MYO3B: variants seen among roughly 807,000 people sequenced by gnomAD.
MYO3B encodes the protein myosin-IIIb.
MYO3B carries 156 observed loss-of-function variants against 174.6 expected under a neutral mutation model. The observed-to-expected ratio is 0.89, with a 90% CI of 0.78 to 1.02. The LOEUF (loss-of-function observed/expected upper bound fraction) is 1.02. Among genes scored for constraint, MYO3B ranks in the 50% least tolerant of loss-of-function variants. MYO3B has a pLI of 0.00. For synonymous variants in MYO3B, 563 were observed against 569.1 expected, an observed-to-expected ratio of 0.99 and a Z score of 0.15; for missense variants, 1,632 against 1,639.4, an observed-to-expected ratio of 1.00 and a Z score of 0.08.
At chr2:170,470,137 A>C (rs1684897983) in intron 25 of MYO3B, among the ~76,000 whole-genome samples, 1 of 150,894 alleles carries the variant, frequency 6.6e-6, no homozygotes, top group Non-Finnish European at 1.5e-5. Flanking sequence ...AAAAGAAGGA[A>C]AGTATACAGT....
At chr2:170,387,812 CCTT>C (rs1352857759) in intron 14 of MYO3B, among the ~76,000 whole-genome samples, 4 of 152,104 alleles carry the variant, frequency 2.6e-5, no homozygotes, top group Admixed American at 2.0e-4. Context: ...ATTTCACTAA[CCTT>C]CTCTGTGCCT....
At chr2:170,247,477 C>T (rs1228693033) in intron 7 of MYO3B, among the ~76,000 whole-genome samples, 1 of 152,214 alleles carries the variant, frequency 6.6e-6, no homozygotes, top group Admixed American at 6.5e-5. Flanking sequence ...TTGACTTCTA[C>T]CAGGCCTCAT....
intron 23 of MYO3B, among the ~76,000 whole-genome samples, chr2:170,454,633 G>A (rs1181151669): frequency 3.9e-5 from 6 of 152,174 alleles, no homozygotes; most frequent in Non-Finnish European, 5.9e-5. Flanking sequence ...AGGGGCTACC[G>A]AACCACGGGC....
chr2:170,568,425 C>G (rs1028053916), intron 32 of MYO3B, among the ~76,000 whole-genome samples: 5 of 152,196 alleles, frequency 3.3e-5, no homozygotes, highest in Non-Finnish European at 7.3e-5. Context: ...AATTTTCTAG[C>G]AAATGTTCAG....
At chr2:170,291,766 C>A (rs1415111977) in intron 7 of MYO3B, among the ~76,000 whole-genome samples, 1 of 151,674 alleles carries the variant, frequency 6.6e-6, no homozygotes, top group Non-Finnish European at 1.5e-5. Flanking sequence ...CCCTTCCTGG[C>A]CTGTATGGTT....
At chr2:170,563,027 T>C (rs1042326155) in intron 32 of MYO3B, among the ~76,000 whole-genome samples, 1 of 73,432 alleles carries the variant, frequency 1.4e-5, no homozygotes, top group African/African-American at 4.7e-5. Context: ...TTGTAAAACA[T>C]GCATACACAC....
chr2:170,575,368 G>C (rs1342300376), intron 32 of MYO3B, among the ~76,000 whole-genome samples: 1 of 152,028 alleles, frequency 6.6e-6, no homozygotes, highest in Admixed American at 6.5e-5. Flanking sequence ...AGAAACCAGA[G>C]AGTCAATAGT....
At chr2:170,310,510 A>G (rs941051878) in intron 7 of MYO3B, among the ~76,000 whole-genome samples, 3 of 151,898 alleles carry the variant, frequency 2.0e-5, no homozygotes, top group African/African-American at 7.3e-5. Context: ...TAAAAATACA[A>G]AAAATTAGCT....
chr2:170,577,217 T>C (rs1041026913), intron 32 of MYO3B, among the ~76,000 whole-genome samples: 24 of 152,250 alleles, frequency 1.6e-4, no homozygotes, highest in Non-Finnish European at 5.9e-5. Context: ...AAAGCTATTT[T>C]AATTATTTTA....
chr2:170,217,515 A>G (rs1004186388), intron 6 of MYO3B, 120 bp downstream of exon 6: 3 of 843,074 alleles, frequency 3.6e-6, no homozygotes, highest in Non-Finnish European at 6.1e-6. Flanking sequence ...CATTATCCTC[A>G]TTGAACTTTA....
chr2:170,623,697 A>G (rs1696138954), intron 32 of MYO3B, among the ~76,000 whole-genome samples: 2 of 152,160 alleles, frequency 1.3e-5, no homozygotes, highest in Non-Finnish European at 2.9e-5. Context: ...TAGAGTTTTT[A>G]TGGTTTTAGG....
chr2:170,425,899 G>A (rs920349466), intron 22 of MYO3B, among the ~76,000 whole-genome samples: 2 of 152,174 alleles, frequency 1.3e-5, no homozygotes, highest in Admixed American at 6.5e-5. Flanking sequence ...TGGTGACATG[G>A]CTCACAGGGT....
chr2:170,403,609 T>C (rs1287383637), intron 19 of MYO3B, among the ~76,000 whole-genome samples: 2 of 152,240 alleles, frequency 1.3e-5, no homozygotes, highest in Admixed American at 6.5e-5. Context: ...GACTCTCTTC[T>C]GTATGAAGTA....
chr2:170,220,513 C>T (rs1026226788), intron 6 of MYO3B, among the ~76,000 whole-genome samples: 5 of 150,862 alleles, frequency 3.3e-5, no homozygotes, highest in Non-Finnish European at 7.4e-5. Flanking sequence ...CCTGTAGTCC[C>T]AGCTACTCGG....
chr2:170,599,319 CTG>C (rs1241680507), intron 32 of MYO3B, among the ~76,000 whole-genome samples: 1 of 152,194 alleles, frequency 6.6e-6, no homozygotes, highest in Non-Finnish European at 1.5e-5. Flanking sequence ...TGTATACAAT[CTG>C]TTTTATTTTC....
intron 8 of MYO3B, among the ~76,000 whole-genome samples, chr2:170,353,494 T>A (rs2094093968): frequency 6.6e-6 from 1 of 152,184 alleles, no homozygotes; most frequent in Non-Finnish European, 1.5e-5. Context: ...GGATTACATG[T>A]CATTATAAAT....
At chr2:170,608,681 G>GAGACAGAC (rs555173210) in intron 32 of MYO3B, among the ~76,000 whole-genome samples, 1 of 151,926 alleles carries the variant, frequency 6.6e-6, no homozygotes, top group Non-Finnish European at 1.5e-5. Context: ...GAGAGAGAGA[G>GAGACAGAC]AGACAGACAG....
intron 28 of MYO3B, among the ~76,000 whole-genome samples, chr2:170,513,821 T>A (rs914374958): frequency 6.6e-6 from 1 of 152,016 alleles, no homozygotes; most frequent in East Asian, 1.9e-4. Flanking sequence ...TGACACCAAG[T>A]TGGGTGTGGA....
chr2:170,570,737 G>A (rs952071152), intron 32 of MYO3B, among the ~76,000 whole-genome samples: 19 of 151,880 alleles, frequency 1.3e-4, no homozygotes, highest in African/African-American at 3.6e-4. Flanking sequence ...AGTCATTTGC[G>A]CGTTATTCTG....
Sources: allele counts gnomAD v4.1 joint callset (sites outside exome capture counted in the v4.1 genomes callset), GRCh38; gene constraint gnomAD v4.1.1; transcripts MANE v1.5; gene names NCBI Gene and HGNC (gene_info 2026-07-23, HGNC 2026-07-21).